The following SLC36A4 variants were observed in gnomAD, a reference collection of about 807,000 sequenced individuals.
The protein encoded by SLC36A4 is solute carrier family 36 member 4.
In SLC36A4, 49 loss-of-function variants were observed where a neutral mutation model predicts 50.5. That is an observed-to-expected ratio of 0.97 (90% CI 0.77 to 1.23). The LOEUF (loss-of-function observed/expected upper bound fraction) is 1.23, where lower values mean the gene tolerates loss of function less well. Ranked by LOEUF, SLC36A4 falls within the 50% of genes most tolerant of loss-of-function variation. The pLI is 0.00. For synonymous variants in SLC36A4, 207 were observed against 206.5 expected (o/e 1.00, Z -0.02); for missense variants, 611 against 608.4 (o/e 1.00, Z -0.05).
At chr11:93,190,710 T>C (rs989513154) in intron 1 of SLC36A4, among the ~76,000 whole-genome samples, 1 of 152,376 alleles carries the variant, frequency 6.6e-6, no homozygotes, top group Non-Finnish European at 1.5e-5. Context: ...CGTTACTAGC[T>C]AAGTTCTAAC....
At chr11:93,174,489 A>C (rs1861352293) in intron 6 of SLC36A4, among the ~76,000 whole-genome samples, 2 of 148,844 alleles carry the variant, frequency 1.3e-5, no homozygotes, top group South Asian at 4.4e-4. Context: ...ACTATGTTGA[A>C]TAGGAGTGGT....
chr11:93,168,870 G>A (rs1450194325), intron 6 of SLC36A4, among the ~76,000 whole-genome samples: 1 of 151,896 alleles, frequency 6.6e-6, no homozygotes, highest in Admixed American at 6.6e-5. Context: ...AAACAAATAT[G>A]ATTTACAAAT....
At chr11:93,194,599 A>G (rs1862346030) in intron 1 of SLC36A4, among the ~76,000 whole-genome samples, 1 of 152,216 alleles carries the variant, frequency 6.6e-6, no homozygotes, top group Admixed American at 6.5e-5. Context: ...AAATTAAATA[A>G]CACTTGGTCA....
At chr11:93,180,204 T>C (rs1808806795) in intron 6 of SLC36A4, 1 of 984,812 alleles carries the variant, frequency 1.0e-6, no homozygotes, top group African/African-American at 1.7e-5. Flanking sequence ...TTTATAGTAT[T>C]GTTTTGATGG....
rs1862493228 is a variant in SLC36A4 at position 93,197,765 on chromosome 11, G to A, written c.55+13C>T. 1.4e-5 allele frequency: 22 copies of A among 1,588,660 alleles called. No homozygotes were observed. Among genetic ancestry groups the A allele is most frequent in the East Asian group, 2.3e-5 (1 of 43,132 alleles). On this transcript the variant is annotated intron_variant, in intron 1 of 10. Coordinates refer to ENST00000326402, the MANE Select transcript of SLC36A4 (RefSeq NM_152313.4). ...ACGTCAGCCCCGGCTCCCTGCCCAC[G>A]CACAACACCGACCTAGCTCCTCGCG...
At chr11:93,184,210 C>G (rs1338978021) in intron 3 of SLC36A4, among the ~76,000 whole-genome samples, 1 of 151,652 alleles carries the variant, frequency 6.6e-6, no homozygotes, top group Non-Finnish European at 1.5e-5. Context: ...TTTTTTTTGG[C>G]TAAATATTAC....
chr11:93,158,173 T>C (rs746193500), intron 9 of SLC36A4, among the ~76,000 whole-genome samples: 38 of 152,176 alleles, frequency 2.5e-4, no homozygotes, highest in Non-Finnish European at 4.4e-4. Context: ...TACACATAAA[T>C]GGTCAAGTTA....
At chr11:93,160,994 C>T (rs1201745318) in intron 9 of SLC36A4, 1 of 154,594 alleles carries the variant, frequency 6.5e-6, no homozygotes, top group Admixed American at 6.6e-5. Flanking sequence ...CTTGTGCCAC[C>T]ATGCCTGGCT....
At chr11:93,166,842 T>C (rs941446586) in intron 7 of SLC36A4, 5 of 152,166 alleles carry the variant, frequency 3.3e-5, no homozygotes, top group East Asian at 1.9e-4. Context: ...ATCTGAAGCA[T>C]AGATAGAACT....
Position 93,185,783 on chromosome 11 carries a change from C to T in SLC36A4, c.87G>A (p.Glu29=), listed in dbSNP as rs1261140739. 1 of 1,607,878 alleles carries T rather than the reference C, an allele frequency of 6.2e-7. No homozygotes were observed. The highest frequency in any genetic ancestry group is 8.5e-7 in the Non-Finnish European group (1 of 1,178,424). The change falls in exon 2 of 11, where the codon GAG becomes GAA. Residue 29 remains glutamate (E), a synonymous_variant. Transcript: ENST00000326402. ...DMDVMRPLIN[E]QNFDGTSDEE... Reference sequence around the variant, plus strand: ...CATCTGATGTCCCATCAAAATTCTGCTCATTTATCAAGGGCCTCATTACAT... The same window carrying T: ...CATCTGATGTCCCATCAAAATTCTGTTCATTTATCAAGGGCCTCATTACAT...
chr11:93,176,195 C>T (rs1303743072), intron 6 of SLC36A4, among the ~76,000 whole-genome samples: 20 of 152,120 alleles, frequency 1.3e-4, no homozygotes, highest in African/African-American at 3.6e-4. Flanking sequence ...CCATTTACCA[C>T]TATGTAATGG....
At position 93,179,985 on chromosome 11, in the gene SLC36A4, G is replaced by A. The variant is rs1861665585; in HGVS notation, c.540+812C>T. 7.0e-6 allele frequency: 4 copies of A among 568,822 alleles called. No homozygotes were observed. The South Asian group carries it at 3.1e-4, about 45-fold the overall frequency. 35.2% of individuals were successfully genotyped at this position (568,822 alleles called of 1,614,324 possible). On this transcript the variant is annotated intron_variant, in intron 6 of 10. Coordinates refer to ENST00000326402, the MANE Select transcript of SLC36A4 (RefSeq NM_152313.4). Reference sequence around the variant, plus strand: ...AGAAAAGAGACTCAAATACACAAATGCACAAGAACCTACACACAGGTTCTT... The same window carrying A: ...AGAAAAGAGACTCAAATACACAAATACACAAGAACCTACACACAGGTTCTT...
intron 7 of SLC36A4, 107 bp from the exon 8 acceptor site, chr11:93,166,123 T>C: frequency 8.0e-7 from 1 of 1,243,470 alleles, no homozygotes; most frequent in Non-Finnish European, 1.1e-6. Flanking sequence ...ACAGCAAATG[T>C]GTTATAAAAT....
chr11:93,167,911 A>G lies in SLC36A4; in HGVS notation c.768+33T>C, dbSNP rs771563326. ...ACAAAATTTTACTTACATAAGAAAG[A>G]TAAGAACTTAGTTAAAAACTTTTTA... On this transcript the variant is annotated intron_variant, in intron 7 of 10. Coordinates refer to ENST00000326402, the MANE Select transcript of SLC36A4 (RefSeq NM_152313.4). 3.5e-6 allele frequency: 5 copies of G among 1,429,052 alleles called. No individual in the cohort carries two copies. In the Admixed American group the frequency reaches 8.6e-5, roughly 24 times the overall value. 88.5% of individuals were successfully genotyped at this position (1,429,052 alleles called of 1,614,324 possible).
At chr11:93,187,369 T>C (rs1862033596) in intron 1 of SLC36A4, among the ~76,000 whole-genome samples, 2 of 152,200 alleles carry the variant, frequency 1.3e-5, no homozygotes, top group Non-Finnish European at 2.9e-5. Context: ...TTAGGTTTTT[T>C]CTTATTTCTA....
In SLC36A4 at chr11:93,155,878, C is replaced by T. The variant is rs189553046; in HGVS notation, c.1038-1601G>A. On this transcript the variant is annotated intron_variant, in intron 9 of 10. Transcript: ENST00000326402. ...TGCTAAGGGTAATGACCTCCAGCTC[C>T]ATCCATGTTCCTACAAAGAACATTA... is the stretch of plus-strand genomic sequence containing the variant. Among the ~76,000 whole-genome samples, 472 of 152,246 alleles carry T rather than the reference C, an allele frequency of 3.1e-3. 3 individuals are homozygous for T. Among genetic ancestry groups the T allele is most frequent in the Non-Finnish European group, 5.4e-3 (366 of 68,008 alleles).
chr11:93,174,707 A>C (rs1312569297), intron 6 of SLC36A4, among the ~76,000 whole-genome samples: 3 of 141,630 alleles, frequency 2.1e-5, no homozygotes, highest in Non-Finnish European at 4.6e-5. Flanking sequence ...TGAGATAATC[A>C]TGTGGTTTTT....
rs1370569528 is a variant in SLC36A4, at chr11:93,146,987, AGTTTTT to A, written c.*1544_*1549del. ...TCTTGTATATATTTATTGTTGTTTT[AGTTTTT>A]AAGAGTTGGGATCTCCCTCTGTAAC... On this transcript the variant is annotated 3_prime_UTR_variant, in exon 11 of 11. Transcript: ENST00000326402. 6.6e-6 allele frequency: 1 copy of A among 151,988 alleles called. No individual in the cohort carries two copies. The highest frequency in any genetic ancestry group is 2.4e-5 in the African/African-American group (1 of 41,420). The allele number at this position is 151,988 out of a possible 1,614,324, so 9.4% of individuals were successfully genotyped here.
chr11:93,169,299 T>A (rs1441805306), intron 6 of SLC36A4, among the ~76,000 whole-genome samples: 1 of 152,086 alleles, frequency 6.6e-6, no homozygotes, highest in African/African-American at 2.4e-5. Context: ...ATATTTTTTT[T>A]AAATCTTGCG....
Sources: gnomAD v4.1 joint callset for allele counts (sites outside exome capture counted in the v4.1 genomes callset) on GRCh38, gnomAD v4.1.1 for gene constraint, MANE v1.5 for transcripts, NCBI Gene and HGNC (gene_info 2026-07-23, HGNC 2026-07-21) for gene names.